ZHX2: variants seen among roughly 807,000 people sequenced by gnomAD.
ZHX2 encodes the protein zinc fingers and homeoboxes 2, also known as zinc fingers and homeoboxes protein 2.
Under a neutral mutation model 21.9 loss-of-function variants are expected in ZHX2, and 6 were observed. The ratio of observed to expected loss-of-function variants is 0.27; its 90% CI spans 0.15 to 0.54. The LOEUF (loss-of-function observed/expected upper bound fraction) is 0.54. ZHX2 is among the 20% of genes least tolerant of loss of function. The pLI is 0.95. For missense variants in ZHX2, 908 were observed against 1,090.7 expected (o/e 0.83, Z 2.36); for synonymous variants, 434 against 437.1 (o/e 0.99, Z 0.09).
Position 122,933,396 on chromosome 8 carries a change from CAT to C in ZHX2, c.-219-17894_-219-17893del, listed in dbSNP as rs559179324. On this transcript the variant is annotated intron_variant, in intron 2 of 3. Coordinates refer to ENST00000314393, the MANE Select transcript of ZHX2 (RefSeq NM_014943.5). ...GCCTTATTTATTTATGTATGTGACACATAAAACCATGATTGTTTCTTCTTTCT... is the reference window on the plus strand; with the variant it reads ...GCCTTATTTATTTATGTATGTGACACAAAACCATGATTGTTTCTTCTTTCT... Among the ~76,000 whole-genome samples, 535 of 106,418 alleles carry C rather than the reference CAT, an allele frequency of 5.0e-3. 3 individuals are homozygous for C. The highest frequency in any genetic ancestry group is 9.5e-3 in the Admixed American group (87 of 9,132). 69.8% of individuals were successfully genotyped at this position (106,418 alleles called of 152,430 possible).
Position 122,828,311 on chromosome 8 carries a change from A to T in ZHX2, c.-282-35166A>T, listed in dbSNP as rs1200447898. On this transcript the variant is annotated intron_variant, in intron 1 of 3. Coordinates refer to ENST00000314393, the MANE Select transcript of ZHX2 (RefSeq NM_014943.5). This position sits in a 1 kb window ranked among gnomAD's most constrained non-coding sequence, Gnocchi z 5.2. ...TTTCTTCAGGAGCTGAAGATAGAGA[A>T]AGTATCTGTACAGTGCATGTGCGTG... 6.6e-6 allele frequency among the ~76,000 whole-genome samples: 1 copy of T among 152,180 alleles called. No homozygotes were observed. The highest frequency in any genetic ancestry group is 2.4e-5 in the African/African-American group (1 of 41,438).
intron 2 of ZHX2, among the ~76,000 whole-genome samples, chr8:122,868,380 G>A (rs944131380): frequency 2.0e-5 from 3 of 152,152 alleles, no homozygotes; most frequent in Admixed American, 6.6e-5. Context: ...GGGCACAGAG[G>A]CTCACACCTA....
chr8:122,911,704 G>C (rs1820484992), intron 2 of ZHX2, among the ~76,000 whole-genome samples: 1 of 152,196 alleles, frequency 6.6e-6, no homozygotes, highest in African/African-American at 2.4e-5. Context: ...ACAGGATAGT[G>C]GGGGAGACAG....
chr8:122,854,835 C>A (rs967457290), intron 1 of ZHX2, among the ~76,000 whole-genome samples: 5 of 152,146 alleles, frequency 3.3e-5, no homozygotes, highest in Non-Finnish European at 7.4e-5. Flanking sequence ...ACTGTATAGT[C>A]CCCCTGTGGG....
At chr8:122,780,979 T>G (rs1233703996), upstream of ZHX2, 1 of 152,188 alleles carries the variant, frequency 6.6e-6, no homozygotes, top group Non-Finnish European at 1.5e-5. Context: ...GTGATATAAC[T>G]TCAAGTCGTT....
At chr8:122,958,495 C>T (rs553988479) in intron 3 of ZHX2, among the ~76,000 whole-genome samples, 1 of 152,354 alleles carries the variant, frequency 6.6e-6, no homozygotes, top group Non-Finnish European at 1.5e-5. Context: ...TTGACACCCA[C>T]TGTGTGCTCA....
chr8:122,814,878 G>A (rs1240780471), intron 1 of ZHX2, among the ~76,000 whole-genome samples: 1 of 136,482 alleles, frequency 7.3e-6, no homozygotes, highest in Non-Finnish European at 1.7e-5. Flanking sequence ...TCATAAATGG[G>A]GATAAAAACA....
rs189909136 is a variant in ZHX2, at chr8:122,845,446, A to G, written c.-282-18031A>G. Among the ~76,000 whole-genome samples the G allele has an allele frequency of 2.5e-3, 382 of 152,300 alleles. 1 individual carries two copies. Among genetic ancestry groups the G allele is most frequent in the Non-Finnish European group, 4.6e-3 (312 of 68,020 alleles). On this transcript the variant is annotated intron_variant, in intron 1 of 3. Transcript: ENST00000314393. ...GTTTTCTACCCAGGAAAGAACTAAT[A>G]TTGTCCAGGTTTTAAGCACACTCTA...
At chr8:122,856,956 C>T (rs939308497) in intron 1 of ZHX2, among the ~76,000 whole-genome samples, 2 of 152,152 alleles carry the variant, frequency 1.3e-5, no homozygotes, top group African/African-American at 4.8e-5. Context: ...GAAGATCTGG[C>T]TCTGCTCTTT....
intron 2 of ZHX2, among the ~76,000 whole-genome samples, chr8:122,880,068 G>A (rs967996881): frequency 1.3e-5 from 2 of 151,568 alleles, no homozygotes; most frequent in African/African-American, 2.4e-5. Context: ...CACCTCCCGG[G>A]TTCAAGTGAT....
At chr8:122,784,455 C>T (rs1368124871) in intron 1 of ZHX2, among the ~76,000 whole-genome samples, 1 of 152,090 alleles carries the variant, frequency 6.6e-6, no homozygotes, top group African/African-American at 2.4e-5. Flanking sequence ...ATAGCCTTAA[C>T]CAGTCCATTG....
At chr8:122,786,240 T>C (rs929357150) in intron 1 of ZHX2, among the ~76,000 whole-genome samples, 7 of 152,152 alleles carry the variant, frequency 4.6e-5, no homozygotes, top group Admixed American at 1.3e-4. Context: ...TTCCTGACCT[T>C]TGGGTCTCCT....
intron 1 of ZHX2, among the ~76,000 whole-genome samples, chr8:122,790,041 G>A (rs558356551): frequency 3.6e-4 from 55 of 152,322 alleles, no homozygotes; most frequent in Non-Finnish European, 7.1e-4. Flanking sequence ...GCATTCGAGA[G>A]TGTGAACTTG....
At chr8:122,954,698 G>A (rs1053971300) in intron 3 of ZHX2, among the ~76,000 whole-genome samples, 1 of 152,184 alleles carries the variant, frequency 6.6e-6, no homozygotes, top group Non-Finnish European at 1.5e-5. Context: ...GTGCCCAGGG[G>A]GCAGCACCGC....
intron 1 of ZHX2, among the ~76,000 whole-genome samples, chr8:122,850,639 CAAAA>C (rs60682747): frequency 5.3e-5 from 6 of 114,182 alleles, no homozygotes; most frequent in Non-Finnish European, 1.8e-5. Context: ...GACTCTGTCT[CAAAA>C]AAAAAAAAAA....
intron 1 of ZHX2, among the ~76,000 whole-genome samples, chr8:122,811,718 G>A (rs1212649422): frequency 6.6e-6 from 1 of 152,216 alleles, no homozygotes; most frequent in Non-Finnish European, 1.5e-5. Flanking sequence ...AGAGAAGGAA[G>A]GTGGGATGGT....
At chr8:122,825,435 C>T (rs1188493619) in intron 1 of ZHX2, among the ~76,000 whole-genome samples, 1 of 152,166 alleles carries the variant, frequency 6.6e-6, no homozygotes, top group Non-Finnish European at 1.5e-5. Flanking sequence ...GCTGCCTTGG[C>T]TGAGCTGTCT....
At chr8:122,958,698 C>T (rs1387505414) in intron 3 of ZHX2, among the ~76,000 whole-genome samples, 1 of 152,210 alleles carries the variant, frequency 6.6e-6, no homozygotes, top group Non-Finnish European at 1.5e-5. Flanking sequence ...GTGCCTGACC[C>T]CAGCCACTAT....
intron 2 of ZHX2, among the ~76,000 whole-genome samples, chr8:122,865,145 T>G (rs980514542): frequency 2.0e-4 from 31 of 151,628 alleles, no homozygotes; most frequent in African/African-American, 7.5e-4. Flanking sequence ...TTTTTTTTTT[T>G]GGAGACAGAG....
Sources: allele counts gnomAD v4.1 joint callset (sites outside exome capture counted in the v4.1 genomes callset), GRCh38; gene constraint gnomAD v4.1.1; non-coding constraint Gnocchi (gnomAD v3.1); transcripts MANE v1.5; gene names NCBI Gene and HGNC (gene_info 2026-07-23, HGNC 2026-07-21).